PKP3: variants seen among roughly 807,000 people sequenced by gnomAD.
PKP3 encodes plakophilin-3.
A neutral mutation model predicts 76.5 loss-of-function variants in PKP3; 66 were observed. That is an observed-to-expected ratio of 0.86 (90% CI 0.71 to 1.06). The LOEUF is 1.06. Among genes scored for constraint, PKP3 ranks in the 50% least tolerant of loss-of-function variants. The pLI is 0.00. For missense variants in PKP3, 1,338 were observed against 1,141.0 expected, an observed-to-expected ratio of 1.17 and a Z score of -2.49; for synonymous variants, 638 against 516.5, an observed-to-expected ratio of 1.24 and a Z score of -3.19.
At chr11:392,738 C>T (rs1253163640), upstream of PKP3, 16 of 1,202,862 alleles carry the variant, frequency 1.3e-5, no homozygotes, top group Admixed American at 1.2e-4. Flanking sequence ...CCCACCACCC[C>T]GACCCCACCT....
In PKP3 at chr11:396,082, G is replaced by GC; in HGVS notation, c.233-526_233-525insC. 3 of 153,288 alleles carry GC rather than the reference G, an allele frequency of 2.0e-5. 1 individual carries two copies. The highest frequency in any genetic ancestry group is 4.4e-5 in the Non-Finnish European group (3 of 68,746). 9.5% of individuals were successfully genotyped at this position (153,288 alleles called of 1,614,324 possible). ...GCCCTTGGCGTGTGTGTGGCTGGAC[G>GC]GGGTGGGTGTGGCCCCTGCCTCAGG... On this transcript the variant is annotated intron_variant, in intron 1 of 12. Transcript: ENST00000331563.
In PKP3 at chr11:400,330, C is replaced by T; in HGVS notation, c.1449-4C>T. ...GGGGGGCTCTGATCCACCTCGGTCC[C>T]CAGGAACCTCAGCTCAGCCTCTCAG... On this transcript the variant is annotated splice_polypyrimidine_tract_variant and splice_region_variant and intron_variant, in intron 6 of 12. Coordinates refer to ENST00000331563, the MANE Select transcript of PKP3 (RefSeq NM_007183.4). 6.5e-7 allele frequency: 1 copy of T among 1,547,276 alleles called. No individual in the cohort carries two copies. Among genetic ancestry groups the T allele is most frequent in the Non-Finnish European group, 8.7e-7 (1 of 1,145,066 alleles).
rs982501090 is a variant in PKP3 at position 400,527 on chromosome 11, G to A, written c.1567-8G>A. On this transcript the variant is annotated splice_polypyrimidine_tract_variant and splice_region_variant and intron_variant, in intron 7 of 12. Transcript: ENST00000331563. ...ACCCGCGCCCCTGCCCCGCGCCCCC[G>A]CCCGCAGAGCGTGGAGAACGCGGTG... 47 of 1,484,502 alleles carry A rather than the reference G, an allele frequency of 3.2e-5. No homozygotes were observed. The highest frequency in any genetic ancestry group is 1.3e-4 in the Admixed American group (5 of 39,770). The allele number at this position is 1,484,502 out of a possible 1,614,324, so 92.0% of individuals were successfully genotyped here.
upstream of PKP3, among the ~76,000 whole-genome samples, chr11:393,908 G>A (rs1400534743): frequency 6.6e-6 from 1 of 152,190 alleles, no homozygotes; most frequent in East Asian, 1.9e-4. Context: ...TGACACTCAG[G>A]ACACAGAGGG....
chr11:397,679 C>T lies in PKP3; in HGVS notation c.1068+17C>T, dbSNP rs928824941. On this transcript the variant is annotated intron_variant, in intron 4 of 12. Transcript: ENST00000331563. ...AAGAAGCAGGTGACCACCCCGACCACCCACTCGCTGCCCCCTGGTGACCTC... is the reference window on the plus strand; with the variant it reads ...AAGAAGCAGGTGACCACCCCGACCATCCACTCGCTGCCCCCTGGTGACCTC... 7 of 1,606,554 alleles carry T rather than the reference C, an allele frequency of 4.4e-6. No homozygotes were observed. Among genetic ancestry groups the T allele is most frequent in the Non-Finnish European group, 5.1e-6 (6 of 1,176,166 alleles).
In PKP3 at chr11:398,971, C is replaced by G. The variant is rs372953509; in HGVS notation, c.1069-21C>G. 4 of 1,534,820 alleles carry G rather than the reference C, an allele frequency of 2.6e-6. No homozygotes were observed. In the African/African-American group the frequency reaches 4.1e-5, roughly 16 times the overall value. On this transcript the variant is annotated intron_variant, in intron 4 of 12. Transcript: ENST00000331563. ...ATCCATCCACATGCGTCTGTGCACC[C>G]CCATATGCCTGTGCCCGCAGGCCCG...
chr11:395,527 G>T (rs1000864355), intron 1 of PKP3, among the ~76,000 whole-genome samples: 1 of 152,206 alleles, frequency 6.6e-6, no homozygotes, highest in African/African-American at 2.4e-5. Flanking sequence ...TACCACCCTG[G>T]CTGCCCTGCC....
intron 7 of PKP3, 39 bp downstream of exon 7, chr11:400,490 G>A (rs1376186534): frequency 3.3e-6 from 5 of 1,511,918 alleles, no homozygotes; most frequent in Non-Finnish European, 4.4e-6. Flanking sequence ...GTGCCCCCGG[G>A]CCGCCGCTCT....
intron 9 of PKP3, 137 bp downstream of exon 9, chr11:403,400 G>T (rs1809130477): frequency 2.3e-6 from 2 of 861,354 alleles, no homozygotes; most frequent in South Asian, 1.8e-5. Flanking sequence ...TCCCGGTGGC[G>T]CAGGCCTTGG....
Position 400,432 on chromosome 11 carries a change from C to G in PKP3, c.1547C>G (p.Ala516Gly), listed in dbSNP as rs888397476. 11 of 1,546,678 alleles carry G rather than the reference C, an allele frequency of 7.1e-6. No individual in the cohort carries two copies. The Admixed American group carries it at 1.8e-4, about 25-fold the overall frequency. The change falls in exon 7 of 13, where the codon GCG becomes GGG. Residue 516 changes from alanine to glycine, a missense_variant. Transcript: ENST00000331563. ...ACCTCTATCAACCACGCCCTGGACG[C>G]GGGCAAATGCGAGGACAAGGTGAGG... ...LVTSINHALD[A>G]GKCEDKSVEN...
chr11:404,337 GC>G lies in PKP3; in HGVS notation c.2358+17del. The G allele has an allele frequency of 6.2e-7, 1 of 1,608,720 alleles. No homozygotes were observed. Among genetic ancestry groups the G allele is most frequent in the Non-Finnish European group, 8.5e-7 (1 of 1,176,354 alleles). ...GACTTCCGGGCGGTACGTTTCCCGA[GC>G]CCAGGGCAAGCAGGGACCCGGGTGC... On this transcript the variant is annotated intron_variant, in intron 12 of 12. Transcript: ENST00000331563. The surrounding 1 kb of genome is among the most constrained non-coding windows in gnomAD (Gnocchi z 4.2).
chr11:399,846 T>C (rs1026607934), intron 5 of PKP3, 121 bp from the exon 6 acceptor site: 1 of 792,122 alleles, frequency 1.3e-6, no homozygotes, highest in Non-Finnish European at 2.0e-6. Flanking sequence ...GTGGGGCTCG[T>C]GGGTGAGGCA....
chr11:399,062 A>G lies in PKP3; in HGVS notation c.1139A>G (p.His380Arg). The G allele has an allele frequency of 6.2e-7, 1 of 1,610,948 alleles. No homozygotes were observed. Reference sequence around the variant, plus strand: ...CACGCCAACCAGGAAGTGCAGCGCCATGCCACAGGTGCCATGCGCAACCTC... The same window carrying G: ...CACGCCAACCAGGAAGTGCAGCGCCGTGCCACAGGTGCCATGCGCAACCTC... The part of the protein sequence containing the change: ...FNHANQEVQR[H>R]ATGAMRNLIY... Residue 380 changes from histidine to arginine, a missense_variant, in exon 5 of 13, where the codon CAT (histidine) becomes CGT (arginine). By Grantham distance (29) the His-to-Arg change is conservative (BLOSUM62 0). Transcript: ENST00000331563.
chr11:400,213 G>C (rs1472590814), intron 6 of PKP3, 72 bp downstream of exon 6: 1 of 1,422,304 alleles, frequency 7.0e-7, no homozygotes, highest in East Asian at 2.5e-5. Context: ...CTGGCCTGGC[G>C]TTCGCAGCCC....
Position 404,151 on chromosome 11 carries a change from G to A in PKP3, c.2270+16G>A, listed in dbSNP as rs1323594002. ...AGCGGGACAGGTAGGGGCCGACCCA[G>A]CCGTGCAGCAGCCTGGTCAGGGGTC... On this transcript the variant is annotated intron_variant, in intron 11 of 12. Coordinates refer to ENST00000331563, the MANE Select transcript of PKP3 (RefSeq NM_007183.4). This position sits in a 1 kb window ranked among gnomAD's most constrained non-coding sequence, Gnocchi z 4.2. The A allele has an allele frequency of 3.1e-6, 5 of 1,608,600 alleles. No homozygotes were observed. The highest frequency in any genetic ancestry group is 1.7e-6 in the Non-Finnish European group (2 of 1,177,142).
In PKP3 at chr11:395,713, T is replaced by C. The variant is rs566072298; in HGVS notation, c.233-895T>C. Among the ~76,000 whole-genome samples, 36 of 152,268 alleles carry C rather than the reference T, an allele frequency of 2.4e-4. No individual in the cohort carries two copies. In the South Asian group the frequency reaches 3.5e-3, roughly 15 times the overall value. The stretch of plus-strand genomic sequence containing the variant: ...CCATGGGGGTGTCCCCCACAGAGCA[T>C]CCAGCTCTGGGCAGAGTTGTGGGAG... On this transcript the variant is annotated intron_variant, in intron 1 of 12. Transcript: ENST00000331563.
chr11:392,921 G>A (rs1846994049), upstream of PKP3, among the ~76,000 whole-genome samples: 2 of 151,794 alleles, frequency 1.3e-5, no homozygotes, highest in Non-Finnish European at 2.9e-5. Context: ...CCCTGCCCCA[G>A]CCCCATTAAG....
chr11:403,371 G>C (rs936659710), intron 9 of PKP3, 108 bp downstream of exon 9: 3 of 996,082 alleles, frequency 3.0e-6, no homozygotes, highest in South Asian at 3.3e-5. Flanking sequence ...CAGGGTCCGC[G>C]GAGCCTCGGA....
In PKP3 at chr11:394,458, CA is replaced by C; in HGVS notation, c.167del (p.Gln56ArgfsTer43). 1 of 1,445,286 alleles carries C rather than the reference CA, an allele frequency of 6.9e-7. No homozygotes were observed. The allele number at this position is 1,445,286 out of a possible 1,614,324, so 89.5% of individuals were successfully genotyped here. A position where few individuals can be genotyped will look rare whatever the true frequency, so the allele number is the denominator to read the frequency against. On this transcript the variant is annotated frameshift_variant, in exon 1 of 13. Coordinates refer to ENST00000331563, the MANE Select transcript of PKP3 (RefSeq NM_007183.4). LOFTEE classifies it high-confidence loss of function. Reference protein sequence around the residue: ...VQEQVRARLLQLGQQPRHNGA... With the variant: ...VQEQVRARLLXLGQQPRHNGA... ...GGAGCAGGTCCGCGCCCGCCTCTTG[CA>C]GCTGGGACAGCAGCCGCGGCACAAC...
Sources: gnomAD v4.1 joint callset for allele counts (sites outside exome capture counted in the v4.1 genomes callset) on GRCh38, gnomAD v4.1.1 for gene constraint, Gnocchi (gnomAD v3.1) non-coding constraint, MANE v1.5 for transcripts, NCBI Gene and HGNC (gene_info 2026-07-23, HGNC 2026-07-21) for gene names.